CFAP54: variants seen among roughly 807,000 people sequenced by gnomAD.
CFAP54 encodes the protein cilia and flagella associated protein 54.
CFAP54 carries 290 observed loss-of-function variants against 370.4 expected under a neutral mutation model. That is an observed-to-expected ratio of 0.78 (90% confidence interval 0.71 to 0.86). The LOEUF (loss-of-function observed/expected upper bound fraction) is 0.86, where lower values mean the gene tolerates loss of function less well. Among genes scored for constraint, CFAP54 ranks in the 40% least tolerant of loss-of-function variants. The pLI, the probability that CFAP54 is intolerant of heterozygous loss-of-function variation, is 0.00. For synonymous variants in CFAP54, 1,206 were observed against 1,236.5 expected (o/e 0.98, Z 0.52); for missense variants, 3,399 against 3,528.7 (o/e 0.96, Z 0.93).
At chr12:96,679,335 A>G (rs1773662084) in intron 39 of CFAP54, among the ~76,000 whole-genome samples, 1 of 152,144 alleles carries the variant, frequency 6.6e-6, no homozygotes, top group South Asian at 2.1e-4. Context: ...CTTCATGGGG[A>G]AAATTGGCAA....
chr12:96,651,865 T>A, intron 36 of CFAP54, 50 bp downstream of exon 36: 1 of 1,178,220 alleles, frequency 8.5e-7, no homozygotes. Flanking sequence ...AAAAATATCG[T>A]ACTGTGCATC....
chr12:96,796,592 C>A (rs1208037580), intron 63 of CFAP54, among the ~76,000 whole-genome samples: 1 of 152,076 alleles, frequency 6.6e-6, no homozygotes. Context: ...TCTGATTGGG[C>A]CAATATCTTC....
intron 66 of CFAP54, among the ~76,000 whole-genome samples, chr12:96,853,450 C>A (rs1386929747): frequency 3.3e-5 from 5 of 152,112 alleles, no homozygotes; most frequent in Non-Finnish European, 7.4e-5. Flanking sequence ...GTGATGATTA[C>A]ATGAATATAT....
intron 51 of CFAP54, 42 bp from the exon 52 acceptor site, chr12:96,742,397 A>G: frequency 1.4e-6 from 2 of 1,451,442 alleles, no homozygotes; most frequent in South Asian, 2.3e-5. Context: ...GAACCTTGAC[A>G]TTATTAAATG....
chr12:96,608,295 A>T (rs1956320853), intron 26 of CFAP54, among the ~76,000 whole-genome samples: 1 of 81,568 alleles, frequency 1.2e-5, no homozygotes, highest in Non-Finnish European at 2.3e-5. Flanking sequence ...CATTTTATAT[A>T]TGCATATATA....
chr12:96,654,373 C>T (rs917199453), intron 36 of CFAP54, among the ~76,000 whole-genome samples: 4 of 151,002 alleles, frequency 2.6e-5, no homozygotes, highest in South Asian at 2.1e-4. Flanking sequence ...TAGTGGCGGG[C>T]GCCTGTAGTC....
At position 96,782,811 on chromosome 12, in the gene CFAP54, C is replaced by A. The variant is rs182146258; in HGVS notation, c.8282-1906C>A. ...AAAGAACAACCTAGTGATTCCACAT[C>A]CAGGTAATTTGTGCATGCGTGCACC... On this transcript the variant is annotated intron_variant, in intron 60 of 67. Coordinates refer to ENST00000524981, the MANE Select transcript of CFAP54 (RefSeq NM_001306084.2). Among the ~76,000 whole-genome samples the A allele has an allele frequency of 1.1e-3, 173 of 152,214 alleles. 1 individual carries two copies. Among genetic ancestry groups the A allele is most frequent in the African/African-American group, 4.0e-3 (165 of 41,532 alleles).
In CFAP54 at chr12:96,793,402, G is replaced by A. The variant is rs570429371; in HGVS notation, c.8850+903G>A. 5.4e-5 allele frequency among the ~76,000 whole-genome samples: 8 copies of A among 148,488 alleles called. No homozygotes were observed. The South Asian group carries it at 1.5e-3, about 27-fold the overall frequency. The stretch of plus-strand genomic sequence containing the variant: ...TTATGGCTCATTAGTATTCCATGGT[G>A]TGTATGTGTGCATATGTATATATCA... On this transcript the variant is annotated intron_variant, in intron 63 of 67. Coordinates refer to ENST00000524981, the MANE Select transcript of CFAP54 (RefSeq NM_001306084.2).
chr12:96,763,449 A>G (rs10745773), intron 58 of CFAP54, among the ~76,000 whole-genome samples: 58,933 of 151,938 alleles, frequency 0.39, 11,678 homozygotes, highest in Middle Eastern at 0.44. Flanking sequence ...TTCAACTTAT[A>G]GGTTTTCTAT....
At chr12:96,826,868 T>TTA (rs1374890484) in intron 65 of CFAP54, among the ~76,000 whole-genome samples, 3 of 116,908 alleles carry the variant, frequency 2.6e-5, no homozygotes, top group East Asian at 2.8e-4. Context: ...TTATATAATA[T>TTA]TATGATATAT....
At chr12:96,528,136 A>G (rs570653336) in intron 9 of CFAP54, among the ~76,000 whole-genome samples, 1 of 152,262 alleles carries the variant, frequency 6.6e-6, no homozygotes, top group African/African-American at 2.4e-5. Flanking sequence ...AAAGCTTTCA[A>G]CATTTTGCCA....
chr12:96,802,957 C>A (rs1016599043), intron 63 of CFAP54, among the ~76,000 whole-genome samples: 1 of 152,132 alleles, frequency 6.6e-6, no homozygotes, highest in South Asian at 2.1e-4. Context: ...TGTTAGTTTG[C>A]TGAGAAAATG....
At chr12:96,678,916 G>A (rs1166603122) in intron 39 of CFAP54, among the ~76,000 whole-genome samples, 1 of 152,112 alleles carries the variant, frequency 6.6e-6, no homozygotes, top group Non-Finnish European at 1.5e-5. Flanking sequence ...TCAACTTGTT[G>A]AAGAAATACA....
rs1565998048 is a variant in CFAP54 at position 96,837,799 on chromosome 12, G to GA, written c.9171+8711_9171+8712insA. ...ACCAGCCATTGGGCTAGGTCCTGGGGTACAGAAGTAAAAGCCAGAGTTCCT... is the reference window on the plus strand; with the variant it reads ...ACCAGCCATTGGGCTAGGTCCTGGGGATACAGAAGTAAAAGCCAGAGTTCCT... On this transcript the variant is annotated intron_variant, in intron 66 of 67. Transcript: ENST00000524981. Among the ~76,000 whole-genome samples the GA allele has an allele frequency of 6.6e-5, 10 of 152,300 alleles. 1 individual carries two copies. Among genetic ancestry groups the GA allele is most frequent in the African/African-American group, 2.4e-4 (10 of 41,558 alleles).
intron 12 of CFAP54, 66 bp downstream of exon 12, chr12:96,535,666 C>T (rs764998727): frequency 4.7e-5 from 48 of 1,020,454 alleles, no homozygotes; most frequent in Non-Finnish European, 2.6e-5. Flanking sequence ...AACTTAAGGC[C>T]GAATTTAAAA....
At chr12:96,541,321 T>C (rs1955567352) in intron 14 of CFAP54, among the ~76,000 whole-genome samples, 1 of 150,426 alleles carries the variant, frequency 6.6e-6, no homozygotes, top group Non-Finnish European at 1.5e-5. Flanking sequence ...AGTTTTGCTC[T>C]GTTGCCCAGG....
chr12:96,534,700 G>A (rs1206984775), intron 11 of CFAP54, among the ~76,000 whole-genome samples: 3 of 152,214 alleles, frequency 2.0e-5, no homozygotes, highest in East Asian at 1.9e-4. Flanking sequence ...AAAACCTGCC[G>A]TGTCTGCTTT....
chr12:96,849,736 C>CCCCTG (rs371720609), intron 66 of CFAP54, among the ~76,000 whole-genome samples: 10 of 152,174 alleles, frequency 6.6e-5, no homozygotes, highest in African/African-American at 2.2e-4. Flanking sequence ...TTTAATGAAC[C>CCCCTG]CCCTGCAGTA....
At position 96,576,492 on chromosome 12, in the gene CFAP54, A is replaced by G. The variant is rs923638164; in HGVS notation, c.2620-93A>G. The G allele has an allele frequency of 3.9e-5, 38 of 979,180 alleles. No homozygotes were observed. In the African/African-American group the frequency reaches 5.5e-4, roughly 14 times the overall value. 60.7% of individuals were successfully genotyped at this position (979,180 alleles called of 1,614,324 possible). ...GAGGCTTGAAAAACTGCATATAAAA[A>G]TATAACATTGTTTAACATCACTAGA... On this transcript the variant is annotated intron_variant, in intron 19 of 67. Transcript: ENST00000524981.
Sources: allele counts gnomAD v4.1 joint callset (sites outside exome capture counted in the v4.1 genomes callset), GRCh38; gene constraint gnomAD v4.1.1; transcripts MANE v1.5; gene names NCBI Gene and HGNC (gene_info 2026-07-23, HGNC 2026-07-21).